The following SCFD2 variants were observed in gnomAD, a reference collection of about 807,000 sequenced individuals.
The protein encoded by SCFD2 is sec1 family domain containing 2.
In SCFD2, 54 loss-of-function variants were observed where a neutral mutation model predicts 58.9. The observed-to-expected ratio is 0.92, with a 90% CI of 0.74 to 1.15. The LOEUF is 1.15. SCFD2 is among the 50% of genes most tolerant of loss of function. The probability of loss-of-function intolerance (pLI) is 0.00; values close to 1 mark genes in which losing one functional copy is unlikely to be tolerated. For synonymous variants in SCFD2, 321 were observed against 335.9 expected (o/e 0.96, Z 0.49); for missense variants, 805 against 836.6 (o/e 0.96, Z 0.47).
intron 4 of SCFD2, among the ~76,000 whole-genome samples, chr4:53,236,808 T>TTTTATTTTTTTA (rs1729628942): frequency 7.2e-6 from 1 of 138,300 alleles, no homozygotes; most frequent in South Asian, 2.3e-4. Context: ...AAAGTCACTG[T>TTTTATTTTTTTA]TTTATTTATT....
intron 3 of SCFD2, among the ~76,000 whole-genome samples, chr4:53,285,115 C>T (rs1345349035): frequency 6.6e-6 from 1 of 152,096 alleles, no homozygotes; most frequent in Non-Finnish European, 1.5e-5. Flanking sequence ...CTGCAGGATC[C>T]GGAGTCATGA....
At chr4:53,299,726 C>A (rs1471261333) in intron 3 of SCFD2, among the ~76,000 whole-genome samples, 1 of 152,192 alleles carries the variant, frequency 6.6e-6, no homozygotes, top group Non-Finnish European at 1.5e-5. Flanking sequence ...AAAGGGAAGC[C>A]CATCAGACTA....
chr4:53,015,229 T>C (rs1722183713), intron 5 of SCFD2, among the ~76,000 whole-genome samples: 1 of 152,146 alleles, frequency 6.6e-6, no homozygotes, highest in Non-Finnish European at 1.5e-5. Flanking sequence ...AACCATATAC[T>C]TGGATGGTCA....
intron 8 of SCFD2, among the ~76,000 whole-genome samples, chr4:52,880,675 A>C (rs1368877369): frequency 6.6e-6 from 1 of 152,204 alleles, no homozygotes; most frequent in African/African-American, 2.4e-5. Context: ...CTGTAAATGT[A>C]GAACTACAGG....
At chr4:53,332,181 G>C (rs200693118) in intron 2 of SCFD2, among the ~76,000 whole-genome samples, 26 of 150,594 alleles carry the variant, frequency 1.7e-4, no homozygotes, top group African/African-American at 6.4e-4. Flanking sequence ...AGGAGGAACT[G>C]GTACCATTCC....
chr4:53,114,210 A>T (rs1051421494), intron 5 of SCFD2, among the ~76,000 whole-genome samples: 2 of 152,188 alleles, frequency 1.3e-5, no homozygotes, highest in Non-Finnish European at 2.9e-5. Context: ...CATACTAAGC[A>T]CTATGTTAGA....
intron 2 of SCFD2, among the ~76,000 whole-genome samples, chr4:53,326,874 A>G (rs1046508346): frequency 3.3e-5 from 5 of 152,178 alleles, no homozygotes; most frequent in Non-Finnish European, 5.9e-5. Context: ...AAAAAATTTA[A>G]CTAACAAATT....
chr4:53,045,075 T>C (rs1487534642), intron 5 of SCFD2, among the ~76,000 whole-genome samples: 2 of 152,144 alleles, frequency 1.3e-5, no homozygotes, highest in African/African-American at 2.4e-5. Context: ...AGTAGGAGAA[T>C]AGCAATATTG....
At chr4:53,057,806 G>T (rs17645765) in intron 5 of SCFD2, among the ~76,000 whole-genome samples, 2,267 of 152,204 alleles carry the variant, frequency 0.015, 23 homozygotes, top group Non-Finnish European at 0.023. Flanking sequence ...CCCAAATGTG[G>T]TAGAGCATAA....
intron 5 of SCFD2, among the ~76,000 whole-genome samples, chr4:52,924,020 GA>G (rs1179578447): frequency 6.6e-6 from 1 of 151,986 alleles, no homozygotes; most frequent in Non-Finnish European, 1.5e-5. Context: ...AAAACAAGGA[GA>G]AAAAAAGTTA....
At chr4:52,900,138 C>T (rs1719146842) in intron 7 of SCFD2, among the ~76,000 whole-genome samples, 1 of 152,148 alleles carries the variant, frequency 6.6e-6, no homozygotes, top group South Asian at 2.1e-4. Context: ...CTGCAGCCTT[C>T]CTCTCTCAAC....
intron 6 of SCFD2, among the ~76,000 whole-genome samples, chr4:52,915,472 T>C (rs1159364880): frequency 6.6e-6 from 1 of 152,210 alleles, no homozygotes; most frequent in African/African-American, 2.4e-5. Flanking sequence ...GACTAATCCA[T>C]GGCTCATTTA....
intron 5 of SCFD2, among the ~76,000 whole-genome samples, chr4:52,924,906 G>T (rs1719827427): frequency 6.6e-6 from 1 of 152,106 alleles, no homozygotes; most frequent in African/African-American, 2.4e-5. Flanking sequence ...CCAAATATAT[G>T]CTGAATTGAT....
At chr4:53,229,109 T>G (rs915108954) in intron 4 of SCFD2, among the ~76,000 whole-genome samples, 50 of 151,826 alleles carry the variant, frequency 3.3e-4, no homozygotes, top group African/African-American at 5.3e-4. Flanking sequence ...CACTGCTCAA[T>G]GAAATAAAAG....
intron 5 of SCFD2, among the ~76,000 whole-genome samples, chr4:52,933,063 G>A (rs182179320): frequency 2.0e-4 from 31 of 152,224 alleles, no homozygotes; most frequent in Non-Finnish European, 3.7e-4. Context: ...CTTGAAGGTG[G>A]ATTCCAAAAC....
At chr4:52,877,670 G>A (rs369353902) in intron 8 of SCFD2, among the ~76,000 whole-genome samples, 2 of 152,168 alleles carry the variant, frequency 1.3e-5, no homozygotes, top group East Asian at 1.9e-4. Flanking sequence ...CTTTGTCACC[G>A]TCACTGTCCT....
At chr4:52,908,095 A>G (rs531828076) in intron 6 of SCFD2, among the ~76,000 whole-genome samples, 46 of 152,328 alleles carry the variant, frequency 3.0e-4, no homozygotes, top group African/African-American at 1.1e-3. Flanking sequence ...ATTCCCAAGT[A>G]TGACTTGGCC....
At chr4:53,356,117 A>G (rs1158465169) in intron 1 of SCFD2, among the ~76,000 whole-genome samples, 3 of 152,170 alleles carry the variant, frequency 2.0e-5, no homozygotes, top group Non-Finnish European at 4.4e-5. Context: ...TATTGACAGG[A>G]GGCCTCAGTT....
chr4:53,235,783 G>A (rs112167794), intron 4 of SCFD2, among the ~76,000 whole-genome samples: 5 of 152,302 alleles, frequency 3.3e-5, no homozygotes, highest in South Asian at 2.1e-4. Context: ...ATGAGCATGC[G>A]TGTGTGTGCA....
Sources: allele counts gnomAD v4.1 joint callset (sites outside exome capture counted in the v4.1 genomes callset), GRCh38; gene constraint gnomAD v4.1.1; transcripts MANE v1.5; gene names NCBI Gene and HGNC (gene_info 2026-07-23, HGNC 2026-07-21).